The following CCBE1 variants were observed in gnomAD, a reference collection of about 807,000 sequenced individuals.
CCBE1 encodes the protein collagen and calcium-binding EGF domain-containing protein 1.
CCBE1 carries 37 observed loss-of-function variants against 50.0 expected under a neutral mutation model. The ratio of observed to expected loss-of-function variants is 0.74; its 90% CI spans 0.57 to 0.97. The LOEUF (loss-of-function observed/expected upper bound fraction) is 0.97. Ranked by LOEUF, CCBE1 falls within the 50% of genes least tolerant of loss-of-function variation. The pLI is 0.00. For missense variants in CCBE1, 538 were observed against 523.8 expected (o/e 1.03, Z -0.26); for synonymous variants, 234 against 203.7 (o/e 1.15, Z -1.27).
chr18:59,685,444 A>C (rs1419086847), intron 2 of CCBE1, among the ~76,000 whole-genome samples: 4 of 152,228 alleles, frequency 2.6e-5, no homozygotes, highest in Non-Finnish European at 4.4e-5. Context: ...CAGCAATTGC[A>C]AAGGACACAA....
rs1254567188 is a variant in CCBE1, at chr18:59,697,289, C to G, written c.54G>C (p.Arg18Ser). Residue 18 changes from arginine to serine, a missense_variant, in exon 1 of 11, where the codon AGG (arginine) becomes AGC (serine). Transcript: ENST00000439986. ...RGGAARGQLG[R>S]SLGPLLLLLA... Reference sequence around the variant, plus strand: ...GGAGCAGCAGCAGCGGACCCAGGCTCCTGCCCAGCTGGCCCCTGGCAGCTC... The same window carrying G: ...GGAGCAGCAGCAGCGGACCCAGGCTGCTGCCCAGCTGGCCCCTGGCAGCTC... 1.3e-6 allele frequency: 2 copies of G among 1,549,068 alleles called. No homozygotes were observed. Among genetic ancestry groups the G allele is most frequent in the African/African-American group, 2.7e-5 (2 of 73,020 alleles).
At chr18:59,501,377 C>T (rs986526213) in intron 2 of CCBE1, among the ~76,000 whole-genome samples, 1 of 152,180 alleles carries the variant, frequency 6.6e-6, no homozygotes, top group Non-Finnish European at 1.5e-5. Flanking sequence ...AAAGCCAGTT[C>T]CTCCTTCCTA....
At chr18:59,455,116 C>G in intron 5 of CCBE1, 165 bp from the exon 6 acceptor site, 1 of 698,630 alleles carries the variant, frequency 1.4e-6, no homozygotes, top group Non-Finnish European at 2.6e-6. Context: ...GCCAGCATGC[C>G]CCAGGGTCAG....
At chr18:59,457,200 C>A (rs985267789) in intron 5 of CCBE1, among the ~76,000 whole-genome samples, 1 of 152,184 alleles carries the variant, frequency 6.6e-6, no homozygotes, top group Non-Finnish European at 1.5e-5. Context: ...GGCGAATTCC[C>A]GTAGCTTCCT....
At chr18:59,566,697 ATCC>A (rs1191413678) in intron 2 of CCBE1, among the ~76,000 whole-genome samples, 4 of 152,244 alleles carry the variant, frequency 2.6e-5, no homozygotes, top group African/African-American at 7.2e-5. Flanking sequence ...AAGTCCCTAA[ATCC>A]TCCTATTAAG....
At position 59,435,833 on chromosome 18, in the gene CCBE1, T is replaced by C; in HGVS notation, c.*75A>G. The C allele has an allele frequency of 7.5e-7, 1 of 1,328,894 alleles. No individual in the cohort carries two copies. 82.3% of individuals were successfully genotyped at this position (1,328,894 alleles called of 1,614,324 possible). A position where few individuals can be genotyped will look rare whatever the true frequency, so the allele number is the denominator to read the frequency against. ...TATGTTTTCTAGGTCTCCAGTGGTC[T>C]TTCTTCTCTTTAGATGGTTTAACTG... On this transcript the variant is annotated 3_prime_UTR_variant, in exon 11 of 11. Coordinates refer to ENST00000439986, the MANE Select transcript of CCBE1 (RefSeq NM_133459.4).
chr18:59,593,792 G>A (rs1214960719), intron 2 of CCBE1, among the ~76,000 whole-genome samples: 1 of 152,240 alleles, frequency 6.6e-6, no homozygotes, highest in Non-Finnish European at 1.5e-5. Context: ...TGTATAAATT[G>A]TAACTGATTA....
intron 2 of CCBE1, among the ~76,000 whole-genome samples, chr18:59,626,937 C>T (rs1202605967): frequency 6.6e-6 from 1 of 152,224 alleles, no homozygotes; most frequent in Non-Finnish European, 1.5e-5. Flanking sequence ...TGTCTTCAGC[C>T]TCTCCACAAG....
rs75160533 is a variant in CCBE1, at chr18:59,447,372, G to T, written c.775+611C>A. Among the ~76,000 whole-genome samples, 747 of 152,324 alleles carry T rather than the reference G, an allele frequency of 4.9e-3. 3 individuals are homozygous for T. The highest frequency in any genetic ancestry group is 0.017 in the African/African-American group (710 of 41,568). The stretch of plus-strand genomic sequence containing the variant: ...CAGAAGGGAAATTTCTGGGGTGATA[G>T]AAATGTTCTATATCTTGAAATATAG... On this transcript the variant is annotated intron_variant, in intron 7 of 10. Coordinates refer to ENST00000439986, the MANE Select transcript of CCBE1 (RefSeq NM_133459.4).
intron 2 of CCBE1, among the ~76,000 whole-genome samples, chr18:59,557,673 A>C (rs543084061): frequency 6.6e-6 from 1 of 152,276 alleles, no homozygotes; most frequent in African/African-American, 2.4e-5. Flanking sequence ...GGGTATAACC[A>C]AGTAACCAAT....
intron 2 of CCBE1, among the ~76,000 whole-genome samples, chr18:59,693,244 A>C (rs1421999625): frequency 6.6e-6 from 1 of 151,496 alleles, no homozygotes; most frequent in Non-Finnish European, 1.5e-5. Context: ...TCTGGAGTCC[A>C]CACAGGGGAG....
intron 2 of CCBE1, among the ~76,000 whole-genome samples, chr18:59,557,346 T>A (rs1391060233): frequency 6.6e-6 from 1 of 152,048 alleles, no homozygotes; most frequent in Non-Finnish European, 1.5e-5. Flanking sequence ...TGCATGAGCA[T>A]CCCTCATCAC....
At chr18:59,486,723 G>A (rs926779691) in intron 2 of CCBE1, among the ~76,000 whole-genome samples, 2 of 152,144 alleles carry the variant, frequency 1.3e-5, no homozygotes, top group African/African-American at 2.4e-5. Flanking sequence ...GGTGCAGCAA[G>A]ATGATCTCCA....
chr18:59,675,815 G>T (rs2054493413), intron 2 of CCBE1, among the ~76,000 whole-genome samples: 1 of 152,212 alleles, frequency 6.6e-6, no homozygotes, highest in Admixed American at 6.5e-5. Context: ...ATCAGACCTA[G>T]TGATGGGATG....
At chr18:59,509,001 A>G (rs111870840) in intron 2 of CCBE1, among the ~76,000 whole-genome samples, 2,402 of 152,248 alleles carry the variant, frequency 0.016, 27 homozygotes, top group Non-Finnish European at 0.026. Flanking sequence ...GTTGCATTCT[A>G]TGGTCCCTAT....
chr18:59,595,744 GAAT>G (rs1396760688), intron 2 of CCBE1, among the ~76,000 whole-genome samples: 2 of 152,170 alleles, frequency 1.3e-5, no homozygotes, highest in South Asian at 2.1e-4. Context: ...CAGTGTAACT[GAAT>G]ATATCAGTTC....
chr18:59,584,640 T>C (rs573537138), intron 2 of CCBE1, among the ~76,000 whole-genome samples: 1 of 152,252 alleles, frequency 6.6e-6, no homozygotes, highest in South Asian at 2.1e-4. Context: ...CGAGATCTGG[T>C]TGTCTAAACT....
intron 6 of CCBE1, among the ~76,000 whole-genome samples, chr18:59,450,085 GA>G (rs1189185017): frequency 1.3e-5 from 2 of 152,144 alleles, no homozygotes; most frequent in Non-Finnish European, 2.9e-5. Context: ...AGTTTGGGAG[GA>G]AGGTTGTAGT....
chr18:59,600,015 C>T (rs142645695), intron 2 of CCBE1, among the ~76,000 whole-genome samples: 101 of 152,264 alleles, frequency 6.6e-4, no homozygotes, highest in East Asian at 6.0e-3. Context: ...AAAACTTTTG[C>T]GTCATTCCAG....
Sources: gnomAD v4.1 joint callset for allele counts (sites outside exome capture counted in the v4.1 genomes callset) on GRCh38, gnomAD v4.1.1 for gene constraint, MANE v1.5 for transcripts, NCBI Gene and HGNC (gene_info 2026-07-23, HGNC 2026-07-21) for gene names.